The following FRMPD4 variants were observed in gnomAD, a reference collection of about 807,000 sequenced individuals.
FRMPD4 encodes FERM and PDZ domain-containing protein 4.
Under a neutral mutation model 94.1 loss-of-function variants are expected in FRMPD4, and 22 were observed. The observed-to-expected ratio is 0.23, with a 90% confidence interval of 0.17 to 0.33. FRMPD4 has a LOEUF of 0.33. Ranked by LOEUF, FRMPD4 falls within the 10% of genes least tolerant of loss-of-function variation. FRMPD4 has a pLI of 1.00. For missense variants in FRMPD4, 1,111 were observed against 1,339.9 expected (o/e 0.83, Z 2.67); for synonymous variants, 631 against 548.6 (o/e 1.15, Z -2.10).
intron 3 of FRMPD4, among the ~76,000 whole-genome samples, chrX:11,913,700 C>A (rs2054008463): frequency 1.2e-5 from 1 of 85,285 alleles, no homozygotes; most frequent in Non-Finnish European, 2.4e-5. Flanking sequence ...TTTTAAATAT[C>A]ATTTCCCTTT....
intron 1 of FRMPD4, among the ~76,000 whole-genome samples, chrX:12,468,659 A>G (rs923085700): frequency 8.9e-6 from 1 of 111,747 alleles, no homozygotes. Context: ...CAAGCAACAG[A>G]TATACCCAAA....
chrX:12,555,703 G>A (rs747600462), intron 2 of FRMPD4, among the ~76,000 whole-genome samples: 4 of 111,364 alleles, frequency 3.6e-5, no homozygotes, highest in Non-Finnish European at 5.6e-5. Flanking sequence ...AAAAGCTGTC[G>A]GCTTTACAGA....
chrX:12,250,733 A>G (rs1193543016), intron 1 of FRMPD4, among the ~76,000 whole-genome samples: 2 of 111,930 alleles, frequency 1.8e-5, no homozygotes, highest in African/African-American at 6.5e-5. Flanking sequence ...TATTACAGCA[A>G]TTGTGGAATT....
At chrX:12,188,082 A>G (rs1277200339) in intron 1 of FRMPD4, among the ~76,000 whole-genome samples, 1 of 111,879 alleles carries the variant, frequency 8.9e-6, no homozygotes, top group Non-Finnish European at 1.9e-5. Context: ...ACTGTGGCAC[A>G]GTGGCACTGG....
intron 5 of FRMPD4, among the ~76,000 whole-genome samples, chrX:12,675,373 CATGGT>C (rs1451272300): frequency 1.9e-5 from 2 of 102,569 alleles, no homozygotes; most frequent in African/African-American, 7.0e-5. Context: ...TTTCAGCTAT[CATGGT>C]TAGGAGGGTG....
chrX:11,942,073 C>G (rs1242108670), intron 3 of FRMPD4, among the ~76,000 whole-genome samples: 1 of 111,976 alleles, frequency 8.9e-6, no homozygotes, highest in East Asian at 2.8e-4. Context: ...AAGGTCAAAG[C>G]CTATACTGTT....
chrX:12,152,864 G>C (rs1277134821), intron 1 of FRMPD4, among the ~76,000 whole-genome samples: 1 of 109,793 alleles, frequency 9.1e-6, no homozygotes, highest in African/African-American at 3.3e-5. Context: ...TTCTCTGATG[G>C]GGATATAAAC....
intron 1 of FRMPD4, among the ~76,000 whole-genome samples, chrX:12,186,176 A>G (rs1455260739): frequency 9.0e-6 from 1 of 111,236 alleles, no homozygotes; most frequent in East Asian, 2.8e-4. Context: ...CAACACCATG[A>G]CCATAAAACT....
At chrX:12,136,924 C>CAT (rs1491299157), upstream of FRMPD4, among the ~76,000 whole-genome samples, 2 of 104,502 alleles carry the variant, frequency 1.9e-5, no homozygotes, top group African/African-American at 7.1e-5. Context: ...CACACACACA[C>CAT]ATACACACAC....
At chrX:12,053,783 G>A (rs1290453847) in intron 3 of FRMPD4, among the ~76,000 whole-genome samples, 1 of 111,885 alleles carries the variant, frequency 8.9e-6, no homozygotes, top group Non-Finnish European at 1.9e-5. Context: ...ATTAACAAGA[G>A]AAAAGCATAC....
intron 3 of FRMPD4, among the ~76,000 whole-genome samples, chrX:12,072,223 T>C (rs996262396): frequency 8.9e-6 from 1 of 111,873 alleles, no homozygotes; most frequent in African/African-American, 3.3e-5. Flanking sequence ...ACAGCACATT[T>C]CTATTTCTTT....
At chrX:12,079,295 G>A (rs762505496) in intron 3 of FRMPD4, among the ~76,000 whole-genome samples, 10 of 108,645 alleles carry the variant, frequency 9.2e-5, no homozygotes, top group East Asian at 2.9e-4. Flanking sequence ...CTCCACCGCC[G>A]CCCCCTCCCC....
At chrX:12,673,555 C>T (rs5978564) in intron 4 of FRMPD4, among the ~76,000 whole-genome samples, 2,401 of 111,666 alleles carry the variant, frequency 0.022, 57 homozygotes, top group African/African-American at 0.073. Flanking sequence ...TAGATTGCTT[C>T]CCCAAACTGC....
intron 1 of FRMPD4, among the ~76,000 whole-genome samples, chrX:12,466,688 C>G (rs1222621300): frequency 8.9e-6 from 1 of 112,131 alleles, no homozygotes; most frequent in Non-Finnish European, 1.9e-5. Context: ...GCAAGAAACT[C>G]TGTTAGTGAG....
chrX:12,611,923 T>TA lies in FRMPD4; in HGVS notation c.319+2053dup, dbSNP rs747919401. On this transcript the variant is annotated intron_variant, in intron 3 of 16. Transcript: ENST00000675598. Reference sequence around the variant, plus strand: ...AATGTAGATAGTATAGAGGAGAAAGTAAAAAAAAAAATCACCTAAATTCCT... The same window carrying TA: ...AATGTAGATAGTATAGAGGAGAAAGTAAAAAAAAAAAATCACCTAAATTCCT... 3.1e-3 allele frequency among the ~76,000 whole-genome samples: 325 copies of TA among 104,069 alleles called. 1 individual carries two copies. The highest frequency in any genetic ancestry group is 8.9e-3 in the African/African-American group (256 of 28,833). The allele number at this position is 104,069 out of a possible 115,157, so 90.4% of individuals were successfully genotyped here.
chrX:12,535,910 T>G (rs10217926), intron 2 of FRMPD4, among the ~76,000 whole-genome samples: 2,425 of 110,646 alleles, frequency 0.022, 63 homozygotes, highest in African/African-American at 0.074. Context: ...TGTAAAGATG[T>G]AGCTCATTGC....
rs377028350 is a variant in FRMPD4, at chrX:12,716,145, C to T, written c.1686C>T (p.Gly562=). 135 of 1,203,603 alleles carry T rather than the reference C, an allele frequency of 1.1e-4. No homozygotes were observed. Among genetic ancestry groups the T allele is most frequent in the Admixed American group, 2.4e-4 (11 of 45,561 alleles). The change falls in exon 15 of 17, where the codon GGC becomes GGT. Residue 562 remains glycine (G), a synonymous_variant. Coordinates refer to ENST00000675598, the MANE Select transcript of FRMPD4 (RefSeq NM_001368397.1). ...NCIPQMTTFI[G]EGEQEAQITY... is the part of the protein sequence containing the mutation. ...TACCCCAAATGACCACCTTTATTGGCGAAGGGGAACAAGAAGCCCAGATAA... is the reference window on the plus strand; with the variant it reads ...TACCCCAAATGACCACCTTTATTGGTGAAGGGGAACAAGAAGCCCAGATAA...
intron 3 of FRMPD4, among the ~76,000 whole-genome samples, chrX:12,031,760 A>G (rs1383119153): frequency 8.9e-6 from 1 of 111,769 alleles, no homozygotes. Flanking sequence ...GACTTACGTA[A>G]TCAGGTGTGT....
chrX:12,593,173 G>GT (rs750108819), intron 2 of FRMPD4, among the ~76,000 whole-genome samples: 4 of 112,158 alleles, frequency 3.6e-5, no homozygotes, highest in Non-Finnish European at 7.5e-5. Context: ...TGTGTGGGAA[G>GT]TAAGCGTTCT....
Sources: allele counts gnomAD v4.1 joint callset (sites outside exome capture counted in the v4.1 genomes callset), GRCh38; gene constraint gnomAD v4.1.1; transcripts MANE v1.5; gene names NCBI Gene and HGNC (gene_info 2026-07-23, HGNC 2026-07-21).